The following GNAO1 variants were observed in gnomAD, a reference collection of about 807,000 sequenced individuals.
The protein encoded by GNAO1 is G protein subunit alpha o1, also known as guanine nucleotide-binding protein G(o) subunit alpha.
For missense variants in GNAO1, 166 were observed against 478.7 expected (o/e 0.35, Z 6.10); for synonymous variants, 164 against 180.7 (o/e 0.91, Z 0.74).
rs2037978937 is a variant in GNAO1 at position 56,357,287 on chromosome 16, A to T, written c.*1213A>T. Reference sequence around the variant, plus strand: ...ACAAAAAATTAAAAAAAAAAACTTAAAAAAAAAAGGAAAAAAGAAAAAAAA... The same window carrying T: ...ACAAAAAATTAAAAAAAAAAACTTATAAAAAAAAGGAAAAAAGAAAAAAAA... On this transcript the variant is annotated 3_prime_UTR_variant, in exon 9 of 9. Coordinates refer to ENST00000262493, the MANE Select transcript of GNAO1 (RefSeq NM_020988.3). 1 of 150,720 alleles carries T rather than the reference A, an allele frequency of 6.6e-6. No individual in the cohort carries two copies. The highest frequency in any genetic ancestry group is 2.1e-4 in the South Asian group (1 of 4,742). The allele number at this position is 150,720 out of a possible 1,614,324, so 9.3% of individuals were successfully genotyped here. A position where few individuals can be genotyped will look rare whatever the true frequency, so the allele number is the denominator to read the frequency against.
At chr16:56,249,045 C>G (rs1238250983) in intron 2 of GNAO1, among the ~76,000 whole-genome samples, 1 of 152,172 alleles carries the variant, frequency 6.6e-6, no homozygotes, top group African/African-American at 2.4e-5. Flanking sequence ...TGGGGCTGTC[C>G]ACAAGAAACT....
chr16:56,342,119 G>C (rs1472840586), intron 6 of GNAO1, among the ~76,000 whole-genome samples: 1 of 152,212 alleles, frequency 6.6e-6, no homozygotes, highest in African/African-American at 2.4e-5. Flanking sequence ...TCTAGCCATA[G>C]TTGAGGGCCT....
At chr16:56,210,948 T>C (rs2036380558) in intron 2 of GNAO1, among the ~76,000 whole-genome samples, 1 of 152,254 alleles carries the variant, frequency 6.6e-6, no homozygotes, top group African/African-American at 2.4e-5. Context: ...CAGTTGACTT[T>C]TGTGTATTGA....
At chr16:56,275,277 G>C (rs749407866) in intron 2 of GNAO1, among the ~76,000 whole-genome samples, 2 of 152,248 alleles carry the variant, frequency 1.3e-5, no homozygotes, top group Non-Finnish European at 2.9e-5. Context: ...ATGTTGAGTG[G>C]CTAGCAGGCA....
chr16:56,347,538 G>T (rs1482499505), intron 6 of GNAO1: 14 of 985,478 alleles, frequency 1.4e-5, no homozygotes, highest in Non-Finnish European at 1.6e-5. Context: ...CCAGATGAAG[G>T]CCCCTGTCAA....
intron 2 of GNAO1, among the ~76,000 whole-genome samples, chr16:56,233,387 A>G (rs995019566): frequency 6.6e-6 from 1 of 152,244 alleles, no homozygotes; most frequent in Non-Finnish European, 1.5e-5. Flanking sequence ...AAGGTCTTCT[A>G]TGTATGGAGA....
At chr16:56,216,650 A>T (rs1443729863) in intron 2 of GNAO1, among the ~76,000 whole-genome samples, 1 of 152,214 alleles carries the variant, frequency 6.6e-6, no homozygotes, top group Non-Finnish European at 1.5e-5. Flanking sequence ...GTATCAAATG[A>T]TATAATGGAT....
chr16:56,227,873 G>A (rs1330432435), intron 2 of GNAO1, among the ~76,000 whole-genome samples: 1 of 152,056 alleles, frequency 6.6e-6, no homozygotes, highest in African/African-American at 2.4e-5. Context: ...CTGGTGATAT[G>A]TTCAATTTAA....
chr16:56,331,743 G>A (rs2037690643), intron 4 of GNAO1, among the ~76,000 whole-genome samples: 1 of 152,144 alleles, frequency 6.6e-6, no homozygotes, highest in Admixed American at 6.5e-5. Context: ...ACCTTCTCCT[G>A]TCTCGTTTTA....
chr16:56,254,051 T>C (rs2036824250), intron 2 of GNAO1, among the ~76,000 whole-genome samples: 1 of 152,182 alleles, frequency 6.6e-6, no homozygotes, highest in African/African-American at 2.4e-5. Context: ...ATACATTGTT[T>C]GTTTGGGGAA....
intron 3 of GNAO1, among the ~76,000 whole-genome samples, chr16:56,296,353 C>G (rs1210432526): frequency 6.6e-6 from 1 of 152,088 alleles, no homozygotes; most frequent in Non-Finnish European, 1.5e-5. Flanking sequence ...GTTGCCAGAG[C>G]GACGGGCTGG....
At chr16:56,347,727 G>C in intron 6 of GNAO1, 1 of 985,226 alleles carries the variant, frequency 1.0e-6, no homozygotes, top group South Asian at 4.7e-5. Context: ...TGGCAGTGCA[G>C]CTCCGAGGCA....
chr16:56,272,860 G>A (rs1472214830), intron 2 of GNAO1, among the ~76,000 whole-genome samples: 2 of 152,144 alleles, frequency 1.3e-5, no homozygotes, highest in Non-Finnish European at 2.9e-5. Flanking sequence ...GAGTGGTAGG[G>A]TCTGCTGGTC....
At position 56,354,996 on chromosome 16, in the gene GNAO1, C is replaced by T. The variant is rs763429802; in HGVS notation, c.1008C>T (p.Phe336=). Residue 336 remains phenylalanine (F), a synonymous_variant, in exon 8 of 9, where the codon TTC becomes TTT. Coordinates refer to ENST00000262493, the MANE Select transcript of GNAO1 (RefSeq NM_020988.3). This position sits in a 1 kb window ranked among gnomAD's most constrained non-coding sequence, Gnocchi z 4.3. ...ATDTNNIQVV[F]DAVTDIIIAN... ...ACACGAATAACATCCAGGTGGTGTT[C>T]GACGCCGTCACCGACATCATCATTG... The T allele has an allele frequency of 1.1e-5, 18 of 1,613,428 alleles. 1 individual carries two copies. The highest frequency in any genetic ancestry group is 1.6e-4 in the Middle Eastern group (1 of 6,084).
chr16:56,286,631 T>TG (rs1421339318), intron 3 of GNAO1, among the ~76,000 whole-genome samples: 5 of 152,234 alleles, frequency 3.3e-5, no homozygotes, highest in Admixed American at 3.3e-4. Flanking sequence ...AAGGTGCATC[T>TG]GAGCAACCAC....
At chr16:56,250,198 G>A (rs1186164002) in intron 2 of GNAO1, among the ~76,000 whole-genome samples, 1 of 152,188 alleles carries the variant, frequency 6.6e-6, no homozygotes, top group Non-Finnish European at 1.5e-5. Context: ...GGGTTGATGA[G>A]TTGTATACAG....
At chr16:56,221,651 C>CAAAAA (rs11306838) in intron 2 of GNAO1, among the ~76,000 whole-genome samples, 4 of 83,866 alleles carry the variant, frequency 4.8e-5, no homozygotes, top group South Asian at 4.1e-4. Context: ...GACTGCATCT[C>CAAAAA]AAAAAAAAAA....
At chr16:56,267,194 G>T (rs1375604650) in intron 2 of GNAO1, among the ~76,000 whole-genome samples, 3 of 152,198 alleles carry the variant, frequency 2.0e-5, no homozygotes, top group African/African-American at 7.2e-5. Context: ...GTTCCCCTGG[G>T]GTGCCTGCCC....
chr16:56,267,000 C>T (rs2036960426), intron 2 of GNAO1, among the ~76,000 whole-genome samples: 1 of 152,184 alleles, frequency 6.6e-6, no homozygotes, highest in Admixed American at 6.5e-5. Flanking sequence ...CACTGCAGAC[C>T]ACTCTGCTTA....
Sources: gnomAD v4.1 joint callset for allele counts (sites outside exome capture counted in the v4.1 genomes callset) on GRCh38, gnomAD v4.1.1 for gene constraint, Gnocchi (gnomAD v3.1) non-coding constraint, MANE v1.5 for transcripts, NCBI Gene and HGNC (gene_info 2026-07-23, HGNC 2026-07-21) for gene names.